Variants in ATP13A4 observed in about 807,000 individuals in gnomAD.
ATP13A4 encodes the protein ATPase 13A4.
In ATP13A4, 114 loss-of-function variants were observed where a neutral mutation model predicts 142.5. The observed-to-expected ratio is 0.80, with a 90% CI of 0.69 to 0.93. The LOEUF is 0.93. ATP13A4 is among the 40% of genes least tolerant of loss of function. The probability of loss-of-function intolerance (pLI) is 0.00; values close to 1 mark genes in which losing one functional copy is unlikely to be tolerated. For missense variants in ATP13A4, 1,392 were observed against 1,454.0 expected (o/e 0.96, Z 0.69); for synonymous variants, 488 against 514.8 (o/e 0.95, Z 0.70).
intron 3 of ATP13A4, among the ~76,000 whole-genome samples, chr3:193,494,826 T>G (rs1246535875): frequency 6.6e-6 from 1 of 151,906 alleles, no homozygotes; most frequent in Non-Finnish European, 1.5e-5. Context: ...AAGAGCTGGA[T>G]TTTTTAAAAG....
intron 28 of ATP13A4, 63 bp downstream of exon 28, chr3:193,410,919 C>G: frequency 9.2e-7 from 1 of 1,089,672 alleles, no homozygotes; most frequent in Non-Finnish European, 1.4e-6. Flanking sequence ...TTGTGATCTG[C>G]TTTTTAAAGT....
Position 193,470,962 on chromosome 3 carries a change from C to T in ATP13A4, c.840G>A (p.Leu280=), listed in dbSNP as rs372614216. The change falls in exon 9 of 30, where the codon CTG becomes CTA. Residue 280 remains leucine, a synonymous_variant. Transcript: ENST00000342695. ...TCAAAATTAATAAATCTCCAGGCAC[C>T]AGGACGCGTGATTCCAGCTCTTGAA... is the stretch of plus-strand genomic sequence containing the variant. ...AGVQELESRV[L]VPGDLLILTG... is the part of the protein sequence containing the mutation. The T allele has an allele frequency of 3.3e-5, 54 of 1,614,044 alleles. No individual in the cohort carries two copies. Among genetic ancestry groups the T allele is most frequent in the Non-Finnish European group, 4.4e-5 (52 of 1,180,018 alleles).
chr3:193,459,718 C>T (rs1037716962), intron 13 of ATP13A4, among the ~76,000 whole-genome samples: 2 of 152,194 alleles, frequency 1.3e-5, no homozygotes, highest in South Asian at 2.1e-4. Flanking sequence ...GGATTACAGG[C>T]GTGAGCCACT....
chr3:193,429,211 A>G (rs1715839623), intron 25 of ATP13A4, among the ~76,000 whole-genome samples: 1 of 152,128 alleles, frequency 6.6e-6, no homozygotes, highest in Admixed American at 6.6e-5. Context: ...GCTAGTGAGA[A>G]TGTAAAATGA....
chr3:193,485,066 G>T (rs1344517156), intron 7 of ATP13A4, among the ~76,000 whole-genome samples: 1 of 152,018 alleles, frequency 6.6e-6, no homozygotes, highest in Non-Finnish European at 1.5e-5. Flanking sequence ...ATGTTCTGAG[G>T]TTCGAAAAAA....
intron 2 of ATP13A4, among the ~76,000 whole-genome samples, chr3:193,563,656 A>T (rs1021158177): frequency 2.6e-5 from 4 of 152,208 alleles, no homozygotes; most frequent in African/African-American, 9.7e-5. Flanking sequence ...ATAGACTGAG[A>T]GTGTCTCAAA....
upstream of ATP13A4, among the ~76,000 whole-genome samples, chr3:193,559,764 C>T (rs546094033): frequency 1.3e-5 from 2 of 152,216 alleles, no homozygotes; most frequent in East Asian, 3.9e-4. Context: ...CTGTTGTTTC[C>T]CTTTCAGAAG....
chr3:193,527,590 C>T (rs1432179742), intron 1 of ATP13A4, among the ~76,000 whole-genome samples: 2 of 148,730 alleles, frequency 1.3e-5, no homozygotes, highest in Admixed American at 6.7e-5. Flanking sequence ...CCAGCCTGGG[C>T]GACAGAGTGA....
rs923736408 is a variant in ATP13A4, at chr3:193,411,162, T to G, written c.3209-92A>C. On this transcript the variant is annotated intron_variant, in intron 27 of 29. Coordinates refer to ENST00000342695, the MANE Select transcript of ATP13A4 (RefSeq NM_032279.4). ...GGATGTATTCTAGATTAACACTGAT[T>G]TAATTTACTTGATTTCTACATCCAA... 8 of 869,762 alleles carry G rather than the reference T, an allele frequency of 9.2e-6. No homozygotes were observed. In the African/African-American group the frequency reaches 1.3e-4, roughly 14 times the overall value. 53.9% of individuals were successfully genotyped at this position (869,762 alleles called of 1,614,324 possible).
chr3:193,548,299 G>A (rs942149425), intron 1 of ATP13A4, among the ~76,000 whole-genome samples: 3 of 152,112 alleles, frequency 2.0e-5, no homozygotes, highest in Admixed American at 6.5e-5. Flanking sequence ...TATCATGCCC[G>A]GAGTTTTTGT....
intron 1 of ATP13A4, among the ~76,000 whole-genome samples, chr3:193,550,696 A>G (rs907248205): frequency 8.5e-5 from 13 of 152,324 alleles, no homozygotes; most frequent in Admixed American, 5.9e-4. Flanking sequence ...ATATTTTTAC[A>G]ATAAACATAT....
chr3:193,536,344 A>G (rs1722591727), intron 1 of ATP13A4, among the ~76,000 whole-genome samples: 2 of 152,074 alleles, frequency 1.3e-5, no homozygotes, highest in Middle Eastern at 3.2e-3. Flanking sequence ...ACACACACAC[A>G]AAAATTAATC....
rs1229145689 is a variant in ATP13A4 at position 193,573,308 on chromosome 3, C to CTTATATAT, written n.291+8398_291+8399insATATATAA. ...ATATATACACATATATATATATATA[C>CTTATATAT]ATATATATATATATATATAATTTGT... On this transcript the variant is annotated intron_variant and non_coding_transcript_variant, in intron 2 of 3. Coordinates refer to the ATP13A4 transcript ENST00000489140. Among the ~76,000 whole-genome samples the CTTATATAT allele has an allele frequency of 3.7e-4, 38 of 103,644 alleles. 1 individual carries two copies. Among genetic ancestry groups the CTTATATAT allele is most frequent in the African/African-American group, 1.3e-3 (28 of 21,170 alleles). The allele number at this position is 103,644 out of a possible 152,430, so 68.0% of individuals were successfully genotyped here. A position where few individuals can be genotyped will look rare whatever the true frequency, so the allele number is the denominator to read the frequency against.
chr3:193,410,859 C>A, intron 28 of ATP13A4, 123 bp downstream of exon 28: 1 of 669,242 alleles, frequency 1.5e-6, no homozygotes. Context: ...TTTTTTTTAG[C>A]TCTGCCATCC....
intron 1 of ATP13A4, among the ~76,000 whole-genome samples, chr3:193,522,371 C>G (rs750114099): frequency 6.6e-6 from 1 of 152,168 alleles, no homozygotes; most frequent in South Asian, 2.1e-4. Context: ...TATTATGTTC[C>G]AGTCACCCTA....
At chr3:193,495,183 C>T (rs2108669039) in intron 3 of ATP13A4, among the ~76,000 whole-genome samples, 2 of 152,112 alleles carry the variant, frequency 1.3e-5, no homozygotes, top group East Asian at 3.9e-4. Context: ...AAGAAGAATA[C>T]CAATTCTACT....
chr3:193,442,529 A>C lies in ATP13A4; in HGVS notation c.2180T>G (p.Val727Gly), dbSNP rs1560190034. Residue 727 changes from valine to glycine, a missense_variant, in exon 19 of 30, where the codon GTG becomes GGG. Transcript: ENST00000342695. ...AGAAACCATTCCAGATTTTCTGGCCACTGTTATTGCAGTCTGAAGATTGTC... is the reference window on the plus strand; with the variant it reads ...AGAAACCATTCCAGATTTTCTGGCCCCTGTTATTGCAGTCTGAAGATTGTC... Reference protein sequence around the residue: ...TGDNLQTAITVARKSGMVSES... With the variant: ...TGDNLQTAITGARKSGMVSES... 6.2e-7 allele frequency: 1 copy of C among 1,614,060 alleles called. No individual in the cohort carries two copies.
At chr3:193,406,025 G>A (rs1030727972) in intron 29 of ATP13A4, among the ~76,000 whole-genome samples, 1 of 152,108 alleles carries the variant, frequency 6.6e-6, no homozygotes, top group Admixed American at 6.6e-5. Flanking sequence ...TTAGCATATT[G>A]CTTCTCAAAG....
At chr3:193,483,913 A>C (rs1233274127) in intron 8 of ATP13A4, 23 bp downstream of exon 8, 4 of 1,516,246 alleles carry the variant, frequency 2.6e-6, no homozygotes, top group Non-Finnish European at 3.7e-6. Flanking sequence ...AATAGCATAT[A>C]GATCTAAAAT....
Sources: gnomAD v4.1 joint callset for allele counts (sites outside exome capture counted in the v4.1 genomes callset) on GRCh38, gnomAD v4.1.1 for gene constraint, MANE v1.5 for transcripts, NCBI Gene and HGNC (gene_info 2026-07-23, HGNC 2026-07-21) for gene names.